Variants in NBPF20 observed in about 807,000 individuals in gnomAD.
NBPF20 encodes NBPF member 20, also known as NBPF family member NBPF20.
Under a neutral mutation model 68.1 loss-of-function variants are expected in NBPF20, and 90 were observed. The ratio of observed to expected loss-of-function variants is 1.32; its 90% CI spans 1.11 to 1.58. NBPF20 has a LOEUF of 1.58. Ranked by LOEUF, NBPF20 falls within the 40% of genes most tolerant of loss-of-function variation. NBPF20 has a pLI of 0.00. For missense variants in NBPF20, 816 were observed against 601.2 expected (o/e 1.36, Z -3.74); for synonymous variants, 290 against 228.1 (o/e 1.27, Z -2.45).
At chr1:145,414,911 C>G in the NBPF20 span, among the ~76,000 whole-genome samples, 2 of 151,164 alleles carry the variant, frequency 1.3e-5, no homozygotes, top group Non-Finnish European at 2.9e-5. Context: ...GTGGGCGTTT[C>G]TCATTAGGTG....
the NBPF20 span, among the ~76,000 whole-genome samples, chr1:145,422,728 C>T: frequency 5.9e-5 from 9 of 152,248 alleles, 1 homozygote; most frequent in South Asian, 1.9e-3. Context: ...GTGGCTCATG[C>T]CTGTAATCCC....
In NBPF20 at chr1:145,393,594, G is replaced by A. The variant is rs1478322858; in HGVS notation, c.1043+290C>T. On this transcript the variant is annotated intron_variant, in intron 9 of 137. Coordinates refer to ENST00000369373, the Ensembl canonical transcript of NBPF20. ...ACACTGTGAACAGTGATCATGAAAAGCATGTCCTCAATAATTTTGCATAAA... is the reference window on the plus strand; with the variant it reads ...ACACTGTGAACAGTGATCATGAAAAACATGTCCTCAATAATTTTGCATAAA... The A allele has an allele frequency of 2.8e-4, 184 of 654,232 alleles. 4 individuals carry two copies. In the South Asian group the frequency reaches 3.4e-3, roughly 12 times the overall value. 40.5% of individuals were successfully genotyped at this position (654,232 alleles called of 1,614,324 possible).
the NBPF20 span, among the ~76,000 whole-genome samples, chr1:145,415,860 G>T: frequency 1.3e-5 from 2 of 149,526 alleles, no homozygotes; most frequent in African/African-American, 4.9e-5. Flanking sequence ...AGGTCAGGCC[G>T]TGGCTCGTGT....
chr1:145,424,422 T>C, the NBPF20 span, among the ~76,000 whole-genome samples: 2 of 152,146 alleles, frequency 1.3e-5, no homozygotes, highest in African/African-American at 4.8e-5. Context: ...ATTTTACTAA[T>C]AAAATTTAAA....
chr1:145,398,286 C>T (rs1324183868), intron 7 of NBPF20, among the ~76,000 whole-genome samples: 2 of 151,620 alleles, frequency 1.3e-5, no homozygotes, highest in African/African-American at 4.9e-5. Flanking sequence ...ACATTCTTCT[C>T]AGCACCACAT....
At chr1:145,422,511 G>T in the NBPF20 span, among the ~76,000 whole-genome samples, 1 of 147,524 alleles carries the variant, frequency 6.8e-6, no homozygotes. Context: ...ATTTTTTGTA[G>T]AGATGGGATC....
At chr1:145,396,391 G>A (rs1273279232) in intron 7 of NBPF20, among the ~76,000 whole-genome samples, 1 of 151,156 alleles carries the variant, frequency 6.6e-6, no homozygotes, top group African/African-American at 2.4e-5. Flanking sequence ...TGTACTGAAA[G>A]TGACGGGGAG....
At chr1:145,400,569 C>G in exon 6 of NBPF20, 1 of 1,612,200 alleles carries the variant, frequency 6.2e-7, no homozygotes, top group South Asian at 1.1e-5. Context: ...TCAGGGACTT[C>G]CTTTTCTTCA....
the NBPF20 span, among the ~76,000 whole-genome samples, chr1:145,414,906 C>T: frequency 2.0e-5 from 3 of 151,048 alleles, no homozygotes; most frequent in Middle Eastern, 3.4e-3. Context: ...CACCTGTGGG[C>T]GTTTCTCATT....
At chr1:145,291,661 C>T in exon 138 of NBPF20, 5 of 1,611,916 alleles carry the variant, frequency 3.1e-6, no homozygotes, top group South Asian at 1.1e-5. Context: ...TTCTGTAGTG[C>T]TGGAATGAGT....
Position 145,340,949 on chromosome 1 carries a change from T to C in NBPF20, c.9096-10A>G, listed in dbSNP as rs1661604213. On this transcript the variant is annotated splice_polypyrimidine_tract_variant and intron_variant, in intron 75 of 137. Coordinates refer to ENST00000369373, the Ensembl canonical transcript of NBPF20. ...CAGCTCCCTGCTGAGCCTGGAAAAGTGGGAAAAAGTAAAGAATAAGCCAGG... is the reference window on the plus strand; with the variant it reads ...CAGCTCCCTGCTGAGCCTGGAAAAGCGGGAAAAAGTAAAGAATAAGCCAGG... 1.5e-5 allele frequency: 2 copies of C among 135,260 alleles called. No individual in the cohort carries two copies. Among genetic ancestry groups the C allele is most frequent in the African/African-American group, 3.0e-4 (2 of 6,778 alleles). 8.4% of individuals were successfully genotyped at this position (135,260 alleles called of 1,614,324 possible). A position where few individuals can be genotyped will look rare whatever the true frequency, so the allele number is the denominator to read the frequency against.
chr1:145,405,841 G>A (rs587604856), upstream of NBPF20: 1 of 214,436 alleles, frequency 4.7e-6, no homozygotes, highest in Admixed American at 5.2e-5. Flanking sequence ...TTCCCAACAG[G>A]TTATATTTTC....
rs1293348434 is a variant in NBPF20 at position 145,292,562 on chromosome 1, C to A, written c.16589-73G>T. ...CACACATAACAATCCACTGTCTAATCCTCACACAGGGACCTCAGGCTCCCC... is the reference window on the plus strand; with the variant it reads ...CACACATAACAATCCACTGTCTAATACTCACACAGGGACCTCAGGCTCCCC... On this transcript the variant is annotated intron_variant, in intron 136 of 137. Coordinates refer to ENST00000369373, the Ensembl canonical transcript of NBPF20. The A allele has an allele frequency of 6.7e-5, 49 of 732,232 alleles. 1 individual carries two copies. Among genetic ancestry groups the A allele is most frequent in the Middle Eastern group, 3.7e-4 (1 of 2,686 alleles). 45.4% of individuals were successfully genotyped at this position (732,232 alleles called of 1,614,324 possible).
chr1:145,392,746 G>A (rs1661970383), intron 10 of NBPF20, among the ~76,000 whole-genome samples: 1 of 76,304 alleles, frequency 1.3e-5, no homozygotes, highest in Non-Finnish European at 2.2e-5. Context: ...GCTGAAATTA[G>A]AGTGAAGGAT....
At chr1:145,394,818 T>C (rs1662141831) in intron 8 of NBPF20, among the ~76,000 whole-genome samples, 160 bp downstream of exon 13, 1 of 152,250 alleles carries the variant, frequency 6.6e-6, no homozygotes, top group South Asian at 2.1e-4. Flanking sequence ...TGCCTGTGCT[T>C]CAGACTCGAC....
intron 73 of NBPF20, among the ~76,000 whole-genome samples, chr1:145,342,801 A>G (rs1661630099): frequency 8.6e-6 from 1 of 116,348 alleles, no homozygotes; most frequent in Non-Finnish European, 1.8e-5. Flanking sequence ...ACACAGACAC[A>G]CACACACACA....
chr1:145,416,780 GA>G, the NBPF20 span, among the ~76,000 whole-genome samples: 2 of 150,554 alleles, frequency 1.3e-5, no homozygotes, highest in Non-Finnish European at 3.0e-5. Context: ...AGGTCACAGG[GA>G]AAACTGCCAC....
chr1:145,407,575 GTA>G (rs1317388424), upstream of NBPF20, among the ~76,000 whole-genome samples: 1 of 146,210 alleles, frequency 6.8e-6, no homozygotes, highest in Non-Finnish European at 1.5e-5. Context: ...TATAACACGT[GTA>G]TATATATATT....
chr1:145,401,027 T>G (rs1294418716), intron 5 of NBPF20, 32 bp downstream of exon 10: 3 of 1,542,504 alleles, frequency 1.9e-6, no homozygotes, highest in East Asian at 4.5e-5. Context: ...TATGTTACCA[T>G]CCATTAATTG....
Sources: allele counts gnomAD v4.1 joint callset (sites outside exome capture counted in the v4.1 genomes callset), GRCh38; gene constraint gnomAD v4.1.1; transcripts MANE v1.5; gene names NCBI Gene and HGNC (gene_info 2026-07-23, HGNC 2026-07-21).